The following RCAN2 variants were observed in gnomAD, a reference collection of about 807,000 sequenced individuals.
RCAN2 encodes the protein regulator of calcineurin 2, also known as calcipressin-2.
In RCAN2, 9 loss-of-function variants were observed where a neutral mutation model predicts 23.6. That is an observed-to-expected ratio of 0.38 (90% CI 0.23 to 0.67). The LOEUF is 0.67. RCAN2 is among the 30% of genes least tolerant of loss of function. RCAN2 has a pLI of 0.51. For synonymous variants in RCAN2, 109 were observed against 115.7 expected, an observed-to-expected ratio of 0.94 and a Z score of 0.37; for missense variants, 273 against 302.3, an observed-to-expected ratio of 0.90 and a Z score of 0.72.
intron 2 of RCAN2, among the ~76,000 whole-genome samples, chr6:46,344,766 T>C (rs1764432308): frequency 6.6e-6 from 1 of 151,870 alleles, no homozygotes; most frequent in African/African-American, 2.4e-5. Context: ...AAAAATGTGT[T>C]TACCCAAGAG....
chr6:46,448,626 C>T (rs1213279271), intron 2 of RCAN2, among the ~76,000 whole-genome samples: 3 of 151,818 alleles, frequency 2.0e-5, no homozygotes, highest in East Asian at 3.8e-4. Flanking sequence ...AATGATTGTT[C>T]ACCACAATCA....
chr6:46,348,375 G>T (rs9367243), intron 2 of RCAN2, among the ~76,000 whole-genome samples: 64,149 of 151,924 alleles, frequency 0.42, 14,981 homozygotes, highest in East Asian at 0.6. Context: ...ACAGCCAGCC[G>T]TCCGTCTGTG....
chr6:46,365,429 T>C (rs1189356355), intron 2 of RCAN2, among the ~76,000 whole-genome samples: 4 of 150,096 alleles, frequency 2.7e-5, no homozygotes, highest in African/African-American at 9.8e-5. Flanking sequence ...TGAGCCGAGA[T>C]CATGCCATTG....
intron 2 of RCAN2, among the ~76,000 whole-genome samples, chr6:46,450,877 T>C (rs966337896): frequency 7.9e-5 from 12 of 152,194 alleles, no homozygotes; most frequent in African/African-American, 2.9e-4. Flanking sequence ...TTAAAAATAA[T>C]CTATTGTATT....
intron 2 of RCAN2, among the ~76,000 whole-genome samples, chr6:46,372,168 T>G (rs1331955953): frequency 6.6e-6 from 1 of 152,174 alleles, no homozygotes. Context: ...TTATTAACCA[T>G]GGAAAAGACA....
intron 2 of RCAN2, among the ~76,000 whole-genome samples, chr6:46,352,246 G>A (rs772749707): frequency 1.3e-5 from 2 of 152,096 alleles, no homozygotes; most frequent in Admixed American, 6.5e-5. Context: ...GTTGATCTAC[G>A]ATAATCAACA....
At chr6:46,311,641 T>G (rs1763262985) in intron 2 of RCAN2, among the ~76,000 whole-genome samples, 1 of 152,120 alleles carries the variant, frequency 6.6e-6, no homozygotes, top group Admixed American at 6.5e-5. Context: ...GATTGAAGAG[T>G]GCCTTGTACC....
At chr6:46,301,643 A>C (rs1413402029) in intron 2 of RCAN2, among the ~76,000 whole-genome samples, 1 of 152,146 alleles carries the variant, frequency 6.6e-6, no homozygotes, top group Non-Finnish European at 1.5e-5. Context: ...GATTTTATGC[A>C]ATGGTGAACA....
chr6:46,350,984 G>A (rs1247683660), intron 2 of RCAN2, among the ~76,000 whole-genome samples: 1 of 152,044 alleles, frequency 6.6e-6, no homozygotes, highest in Non-Finnish European at 1.5e-5. Flanking sequence ...TGTCTCCTCT[G>A]GATGATAATA....
intron 2 of RCAN2, among the ~76,000 whole-genome samples, chr6:46,357,363 A>T (rs1764864958): frequency 1.3e-5 from 2 of 152,232 alleles, no homozygotes; most frequent in Admixed American, 1.3e-4. Flanking sequence ...TGATTCAAAA[A>T]AAGAGTCACT....
chr6:46,299,833 C>A (rs1762847157), intron 2 of RCAN2, among the ~76,000 whole-genome samples: 1 of 151,822 alleles, frequency 6.6e-6, no homozygotes, highest in South Asian at 2.1e-4. Flanking sequence ...ACAGTAAGTG[C>A]TCAGTAATTG....
intron 2 of RCAN2, among the ~76,000 whole-genome samples, chr6:46,288,792 T>G (rs80330184): frequency 0.032 from 4,884 of 152,362 alleles, 233 homozygotes; most frequent in African/African-American, 0.11. Flanking sequence ...ATAGCCAAGT[T>G]ATCCTCTGAT....
intron 1 of RCAN2, among the ~76,000 whole-genome samples, chr6:46,490,802 G>A (rs757177109): frequency 7.2e-5 from 11 of 152,050 alleles, no homozygotes; most frequent in Admixed American, 2.0e-4. Flanking sequence ...TCAGTCCCGG[G>A]GATCACAGGC....
chr6:46,337,764 A>G (rs1320331750), intron 2 of RCAN2, among the ~76,000 whole-genome samples: 1 of 152,174 alleles, frequency 6.6e-6, no homozygotes, highest in Non-Finnish European at 1.5e-5. Context: ...CGTCTTCTGA[A>G]GGTCAGTGTC....
chr6:46,427,230 A>C (rs1767055582), intron 2 of RCAN2, among the ~76,000 whole-genome samples: 1 of 152,204 alleles, frequency 6.6e-6, no homozygotes, highest in Admixed American at 6.5e-5. Flanking sequence ...AAACCACATT[A>C]TCATCTCTTA....
At chr6:46,325,452 C>T (rs1763763359) in intron 2 of RCAN2, 2 of 1,614,206 alleles carry the variant, frequency 1.2e-6, no homozygotes, top group Non-Finnish European at 1.7e-6. Flanking sequence ...AGAGTGGAAA[C>T]ATCACAGTCC....
intron 2 of RCAN2, among the ~76,000 whole-genome samples, chr6:46,343,673 C>T (rs1337446366): frequency 6.6e-6 from 1 of 152,018 alleles, no homozygotes; most frequent in Non-Finnish European, 1.5e-5. Flanking sequence ...CCACACCTAG[C>T]CAGGAAAACA....
At chr6:46,478,743 T>C (rs1261656418) in intron 1 of RCAN2, among the ~76,000 whole-genome samples, 1 of 152,228 alleles carries the variant, frequency 6.6e-6, no homozygotes, top group Non-Finnish European at 1.5e-5. Context: ...ACCTGCTTTT[T>C]CTTTACTCAA....
At chr6:46,309,651 G>T (rs1006841156) in intron 2 of RCAN2, among the ~76,000 whole-genome samples, 3 of 152,134 alleles carry the variant, frequency 2.0e-5, no homozygotes, top group Admixed American at 2.0e-4. Context: ...ACTACTCCCT[G>T]TGTATACCTG....
Sources: allele counts gnomAD v4.1 joint callset (sites outside exome capture counted in the v4.1 genomes callset), GRCh38; gene constraint gnomAD v4.1.1; transcripts MANE v1.5; gene names NCBI Gene and HGNC (gene_info 2026-07-23, HGNC 2026-07-21).